HSP90AA1: variants seen among roughly 807,000 people sequenced by gnomAD.
HSP90AA1 encodes heat shock protein HSP 90-alpha.
In HSP90AA1, 18 loss-of-function variants were observed where a neutral mutation model predicts 73.3. That is an observed-to-expected ratio of 0.25 (90% confidence interval 0.17 to 0.36). The LOEUF is 0.36. Ranked by LOEUF, HSP90AA1 falls within the 10% of genes least tolerant of loss-of-function variation. HSP90AA1 has a pLI of 1.00. For synonymous variants in HSP90AA1, 477 were observed against 296.9 expected, an observed-to-expected ratio of 1.61 and a Z score of -6.24; for missense variants, 704 against 874.2, an observed-to-expected ratio of 0.81 and a Z score of 2.45.
intron 7 of HSP90AA1, 29 bp downstream of exon 7, chr14:102,083,764 T>C: frequency 1.9e-6 from 3 of 1,587,004 alleles, no homozygotes; most frequent in Non-Finnish European, 2.6e-6. Flanking sequence ...AAGAGGCCAA[T>C]TGGAAAACTA....
chr14:102,116,486 G>T (rs2049708510), intron 1 of HSP90AA1, among the ~76,000 whole-genome samples: 1 of 152,232 alleles, frequency 6.6e-6, no homozygotes. Context: ...AGCAGGAATG[G>T]TGGCAGTGGG....
In HSP90AA1 at chr14:102,081,640, A is replaced by G. The variant is rs373854012; in HGVS notation, c.*72T>C. 1 of 808,378 alleles carries G rather than the reference A, an allele frequency of 1.2e-6. No individual in the cohort carries two copies. Among genetic ancestry groups the G allele is most frequent in the African/African-American group, 1.7e-5 (1 of 59,522 alleles). 50.1% of individuals were successfully genotyped at this position (808,378 alleles called of 1,614,324 possible). A position where few individuals can be genotyped will look rare whatever the true frequency, so the allele number is the denominator to read the frequency against. The stretch of plus-strand genomic sequence containing the variant: ...TTTTAATATTAACAAAAATAAAGAA[A>G]AACATCCTTGAAAATATATTATCAG... On this transcript the variant is annotated 3_prime_UTR_variant, in exon 11 of 11. Coordinates refer to ENST00000216281, the MANE Select transcript of HSP90AA1 (RefSeq NM_005348.4).
intron 1 of HSP90AA1, among the ~76,000 whole-genome samples, chr14:102,125,496 T>C (rs923290242): frequency 6.6e-5 from 10 of 152,152 alleles, no homozygotes; most frequent in Non-Finnish European, 1.5e-4. Flanking sequence ...CAGAATGAGC[T>C]GGGACTAAGG....
chr14:102,139,165 C>G, intron 1 of HSP90AA1: 7 of 1,496,076 alleles, frequency 4.7e-6, no homozygotes, highest in Non-Finnish European at 6.5e-6. Context: ...GGCTTGAGAA[C>G]ACCTATGCTG....
intron 1 of HSP90AA1, among the ~76,000 whole-genome samples, chr14:102,113,861 C>G (rs1234514706): frequency 1.3e-5 from 2 of 152,128 alleles, no homozygotes; most frequent in Non-Finnish European, 2.9e-5. Flanking sequence ...CAAGCGCCTG[C>G]CACCATGCCC....
chr14:102,138,023 A>C (rs999679169), intron 1 of HSP90AA1, among the ~76,000 whole-genome samples: 6 of 152,010 alleles, frequency 3.9e-5, no homozygotes, highest in Non-Finnish European at 4.4e-5. Flanking sequence ...GAAAAAAAAA[A>C]CAAAACTAAA....
chr14:102,084,331 C>T, intron 6 of HSP90AA1, 68 bp downstream of exon 6: 1 of 1,457,970 alleles, frequency 6.9e-7, no homozygotes, highest in African/African-American at 1.4e-5. Flanking sequence ...TAGGTGTGAG[C>T]CACCATGCCC....
At chr14:102,087,861 C>T (rs1345942411), upstream of HSP90AA1, among the ~76,000 whole-genome samples, 3 of 151,032 alleles carry the variant, frequency 2.0e-5, no homozygotes. Context: ...AAAAGCCCAT[C>T]GTTTTGCCGA....
Position 102,086,130 on chromosome 14 carries a change from A to C in HSP90AA1, c.163-6T>G. The C allele has an allele frequency of 6.2e-7, 1 of 1,614,142 alleles. No homozygotes were observed. Among genetic ancestry groups the C allele is most frequent in the Non-Finnish European group, 8.5e-7 (1 of 1,179,994 alleles). On this transcript the variant is annotated splice_region_variant and splice_polypyrimidine_tract_variant and intron_variant, in intron 2 of 10. Transcript: ENST00000216281. ...TACCGGATTTTGTCCAATGCCTGTT[A>C]ACAAAAAATATTAATTTAAGCATAC... is the stretch of plus-strand genomic sequence containing the variant.
exon 1 of HSP90AA1, chr14:102,139,298 G>A: frequency 6.2e-7 from 1 of 1,613,970 alleles, no homozygotes; most frequent in Non-Finnish European, 8.5e-7. Flanking sequence ...TCCTGGGCGG[G>A]GATCCAGACG....
At position 102,084,935 on chromosome 14, in the gene HSP90AA1, CTTCT is replaced by C. The variant is rs767255071; in HGVS notation, c.723_726del (p.Glu242LysfsTer74). ...TCTTTCTCTTCTTTTTCTTTTTCTT[CTTCT>C]TTGTCTTCCTTTTCTTCAGCCTCAT... On this transcript the variant is annotated frameshift_variant, in exon 5 of 11. Coordinates refer to ENST00000216281, the MANE Select transcript of HSP90AA1 (RefSeq NM_005348.4). LOFTEE classifies it high-confidence loss of function. 13 of 1,591,060 alleles carry C rather than the reference CTTCT, an allele frequency of 8.2e-6. No individual in the cohort carries two copies. The highest frequency in any genetic ancestry group is 2.7e-5 in the African/African-American group (2 of 74,574).
chr14:102,135,835 G>A (rs1044023368), intron 1 of HSP90AA1, among the ~76,000 whole-genome samples: 31 of 152,232 alleles, frequency 2.0e-4, no homozygotes, highest in African/African-American at 6.8e-4. Flanking sequence ...ACGCCCACCC[G>A]GAACTCCAGC....
intron 1 of HSP90AA1, among the ~76,000 whole-genome samples, chr14:102,133,723 T>C (rs1267250693): frequency 6.6e-6 from 1 of 151,942 alleles, no homozygotes; most frequent in Non-Finnish European, 1.5e-5. Context: ...CCTCAGATGA[T>C]CCGCCCGCCT....
chr14:102,135,461 CG>C (rs2049977547), intron 1 of HSP90AA1, among the ~76,000 whole-genome samples: 1 of 152,282 alleles, frequency 6.6e-6, no homozygotes, highest in Non-Finnish European at 1.5e-5. Context: ...TAGTGGATCC[CG>C]CACCGGGGCT....
chr14:102,086,990 G>T lies in HSP90AA1; in HGVS notation c.-5C>A, dbSNP rs933670133. The T allele has an allele frequency of 2.0e-6, 2 of 985,150 alleles. No individual in the cohort carries two copies. Among genetic ancestry groups the T allele is most frequent in the Non-Finnish European group, 2.4e-6 (2 of 830,106 alleles). 61.0% of individuals were successfully genotyped at this position (985,150 alleles called of 1,614,324 possible). On this transcript the variant is annotated 5_prime_UTR_variant, in exon 1 of 11. Transcript: ENST00000216281. ...GCCCCCACAACCACCCGTCACCTTG[G>T]CTAAGTGACCGCACAGGACCAACGG...
In HSP90AA1 at chr14:102,118,063, G is replaced by A. The variant is rs376405198; in HGVS notation, c.156-15978C>T. ...TGACTGCACAGTGGCTGGACTCCACGCTCGTTCATACACCCCTCACTGCTC... is the reference window on the plus strand; with the variant it reads ...TGACTGCACAGTGGCTGGACTCCACACTCGTTCATACACCCCTCACTGCTC... On this transcript the variant is annotated intron_variant, in intron 1 of 11. Transcript: ENST00000334701. Among the ~76,000 whole-genome samples the A allele has an allele frequency of 2.0e-4, 31 of 152,240 alleles. 1 individual carries two copies. The Middle Eastern group carries it at 0.014, about 67-fold the overall frequency.
chr14:102,111,179 A>G (rs1595673029), intron 1 of HSP90AA1, among the ~76,000 whole-genome samples: 1 of 152,236 alleles, frequency 6.6e-6, no homozygotes, highest in Admixed American at 6.5e-5. Flanking sequence ...TCCCAAGACA[A>G]TGGGAAAAAT....
chr14:102,083,322 C>CTT lies in HSP90AA1; in HGVS notation c.1487-22_1487-21dup. 6.2e-7 allele frequency: 1 copy of CTT among 1,613,394 alleles called. No individual in the cohort carries two copies. Among genetic ancestry groups the CTT allele is most frequent in the South Asian group, 1.1e-5 (1 of 91,068 alleles). On this transcript the variant is annotated intron_variant, in intron 8 of 10. Coordinates refer to ENST00000216281, the MANE Select transcript of HSP90AA1 (RefSeq NM_005348.4). ...TCTCACCTGAGGTATTACAAAGTTA[C>CTT]TTTTAGACCTTTTAACAGTTAAGAA...
intron 1 of HSP90AA1, among the ~76,000 whole-genome samples, chr14:102,109,704 G>A (rs1434512008): frequency 6.6e-6 from 1 of 152,196 alleles, no homozygotes; most frequent in Non-Finnish European, 1.5e-5. Flanking sequence ...CTGCTGAAAA[G>A]ATAACCCAAA....
Sources: allele counts gnomAD v4.1 joint callset (sites outside exome capture counted in the v4.1 genomes callset), GRCh38; gene constraint gnomAD v4.1.1; transcripts MANE v1.5; gene names NCBI Gene and HGNC (gene_info 2026-07-23, HGNC 2026-07-21).